Variants in MYOM3 observed in about 807,000 individuals in gnomAD.
MYOM3 encodes the protein myomesin 3, also known as myomesin-3.
In MYOM3, 155 loss-of-function variants were observed where a neutral mutation model predicts 191.7. That is an observed-to-expected ratio of 0.81 (90% CI 0.71 to 0.92). The LOEUF is 0.92. MYOM3 is among the 40% of genes least tolerant of loss of function. The pLI is 0.00. For synonymous variants in MYOM3, 757 were observed against 762.9 expected, an observed-to-expected ratio of 0.99 and a Z score of 0.13; for missense variants, 1,889 against 1,890.6, an observed-to-expected ratio of 1.00 and a Z score of 0.02.
At chr1:24,076,909 C>T (rs1313094476) in intron 20 of MYOM3, among the ~76,000 whole-genome samples, 1 of 152,094 alleles carries the variant, frequency 6.6e-6, no homozygotes, top group Non-Finnish European at 1.5e-5. Context: ...GCAACCTCTG[C>T]TTCTCCGGTT....
At chr1:24,075,194 T>C (rs2148547835) in intron 22 of MYOM3, 125 bp downstream of exon 22, 1 of 908,546 alleles carries the variant, frequency 1.1e-6, no homozygotes, top group Non-Finnish European at 1.7e-6. Context: ...AGTGAAAGAC[T>C]GAGCAGCGCC....
intron 28 of MYOM3, chr1:24,066,625 G>A (rs1455878517): frequency 8.5e-6 from 3 of 354,064 alleles, no homozygotes; most frequent in Non-Finnish European, 1.5e-5. Context: ...ATGAAGTGAG[G>A]ATAGTAATGC....
At chr1:24,082,437 C>G (rs1643683671) in intron 17 of MYOM3, 156 bp downstream of exon 17, 2 of 1,147,774 alleles carry the variant, frequency 1.7e-6, no homozygotes, top group Non-Finnish European at 1.2e-6. Context: ...TACTTCCTTC[C>G]CAAAGGAAAG....
intron 28 of MYOM3, 134 bp from the exon 29 acceptor site, chr1:24,066,135 T>C: frequency 2.7e-6 from 2 of 738,116 alleles, no homozygotes; most frequent in Non-Finnish European, 5.1e-6. Context: ...GCCTCTGGAC[T>C]CTGAATTCTT....
In MYOM3 at chr1:24,063,715, G is replaced by T. The variant is rs949792056; in HGVS notation, c.3623-185C>A. ...GGTTCAGGGCACTCAGCAATGGGGT[G>T]GGCAGAAGGGCACTATGGATGGAGG... is the stretch of plus-strand genomic sequence containing the variant. On this transcript the variant is annotated intron_variant, in intron 30 of 36. Transcript: ENST00000374434. This position sits in a 1 kb window ranked among gnomAD's most constrained non-coding sequence, Gnocchi z 4.5. 2.6e-5 allele frequency among the ~76,000 whole-genome samples: 4 copies of T among 152,022 alleles called. No individual in the cohort carries two copies. The highest frequency in any genetic ancestry group is 4.8e-5 in the African/African-American group (2 of 41,350).
chr1:24,068,745 G>A (rs1000485345), intron 25 of MYOM3, among the ~76,000 whole-genome samples: 1 of 150,888 alleles, frequency 6.6e-6, no homozygotes, highest in Non-Finnish European at 1.5e-5. Context: ...TCACTCCATC[G>A]CAGAGTCTCG....
chr1:24,097,899 C>G (rs753615609), intron 7 of MYOM3, 24 bp downstream of exon 7: 1 of 1,526,400 alleles, frequency 6.6e-7, no homozygotes, highest in African/African-American at 1.4e-5. Context: ...GCCCGGAGTG[C>G]CTGTTGGGGT....
chr1:24,057,115 T>C lies in MYOM3; in HGVS notation c.*249A>G. ...TGCCAGTACTGTTAGATAGCCCCAGTGCATCCGGGTCTCCTACTCCAGGTC... is the reference window on the plus strand; with the variant it reads ...TGCCAGTACTGTTAGATAGCCCCAGCGCATCCGGGTCTCCTACTCCAGGTC... On this transcript the variant is annotated 3_prime_UTR_variant, in exon 37 of 37. Coordinates refer to ENST00000374434, the MANE Select transcript of MYOM3 (RefSeq NM_152372.4). The C allele has an allele frequency of 1.8e-6, 1 of 543,130 alleles. No homozygotes were observed. Among genetic ancestry groups the C allele is most frequent in the South Asian group, 2.4e-5 (1 of 40,826 alleles). 33.6% of individuals were successfully genotyped at this position (543,130 alleles called of 1,614,324 possible).
intron 16 of MYOM3, chr1:24,082,962 T>C (rs1048417373): frequency 8.2e-6 from 3 of 367,892 alleles, no homozygotes; most frequent in Non-Finnish European, 9.5e-6. Flanking sequence ...GCAAATACGC[T>C]AGGAAAGGTT....
chr1:24,066,379 A>G, intron 28 of MYOM3: 1 of 624,968 alleles, frequency 1.6e-6, no homozygotes, highest in East Asian at 2.7e-5. Context: ...CACAGAGACC[A>G]CTTCATCATC....
At chr1:24,058,622 C>G (rs1264602727) in intron 36 of MYOM3, among the ~76,000 whole-genome samples, 4 of 152,202 alleles carry the variant, frequency 2.6e-5, no homozygotes, top group African/African-American at 7.2e-5. Context: ...TAAGTTCAGT[C>G]CTAGACGGGC....
chr1:24,082,840 C>A (rs1168062237), intron 16 of MYOM3, 126 bp from the exon 17 acceptor site: 1 of 1,236,310 alleles, frequency 8.1e-7, no homozygotes, highest in African/African-American at 1.6e-5. Flanking sequence ...CAGGTCAATT[C>A]TTCCTAAAAA....
At chr1:24,081,848 A>C (rs1643673272) in intron 18 of MYOM3, 153 bp downstream of exon 18, 1 of 749,960 alleles carries the variant, frequency 1.3e-6, no homozygotes, top group African/African-American at 1.8e-5. Flanking sequence ...AGTTCTGTTC[A>C]AGGTGGGTCT....
chr1:24,078,498 T>C (rs12719820), intron 20 of MYOM3, among the ~76,000 whole-genome samples: 61,579 of 151,994 alleles, frequency 0.41, 12,787 homozygotes, highest in East Asian at 0.43. Flanking sequence ...TAGTATCTTA[T>C]TCTTTGCCAT....
At chr1:24,090,185 C>G (rs1643799241) in intron 12 of MYOM3, 67 bp from the exon 13 acceptor site, 1 of 1,311,086 alleles carries the variant, frequency 7.6e-7, no homozygotes, top group East Asian at 2.3e-5. Context: ...GGAGCTACCC[C>G]ACACCAGGGT....
chr1:24,091,224 G>A (rs555502265), intron 11 of MYOM3, among the ~76,000 whole-genome samples: 56 of 152,278 alleles, frequency 3.7e-4, no homozygotes, highest in East Asian at 7.7e-4. Flanking sequence ...GGGCATCATC[G>A]TGAGCCTGTG....
Position 24,082,598 on chromosome 1 carries a change from G to A in MYOM3, c.2087C>T (p.Ala696Val). The A allele has an allele frequency of 7.5e-6, 12 of 1,603,888 alleles. No individual in the cohort carries two copies. The highest frequency in any genetic ancestry group is 1.0e-5 in the Non-Finnish European group (12 of 1,176,118). Residue 696 changes from alanine to valine, a missense_variant, in exon 17 of 37, where the codon GCT becomes GTT. Transcript: ENST00000374434. ...GGACCTGCCCTTGGACTCACCCAGA[G>A]CCTGCTTGACCCTGATGGGCTCGGT... is the stretch of plus-strand genomic sequence containing the variant. ...AATEPIRVKQALATPSAPYGF... is the reference protein window; with the variant it reads ...AATEPIRVKQVLATPSAPYGF...
At chr1:24,091,637 C>A (rs1036046517) in intron 11 of MYOM3, among the ~76,000 whole-genome samples, 2 of 152,182 alleles carry the variant, frequency 1.3e-5, no homozygotes, top group Admixed American at 6.5e-5. Context: ...ATTAGATAGT[C>A]CCCCTCCCCT....
intron 5 of MYOM3, among the ~76,000 whole-genome samples, chr1:24,100,426 C>T (rs1431306913): frequency 6.6e-6 from 1 of 152,190 alleles, no homozygotes; most frequent in African/African-American, 2.4e-5. Context: ...CCTCCCCCTA[C>T]CAAGCCATCC....
Sources: allele counts gnomAD v4.1 joint callset (sites outside exome capture counted in the v4.1 genomes callset), GRCh38; gene constraint gnomAD v4.1.1; non-coding constraint Gnocchi (gnomAD v3.1); transcripts MANE v1.5; gene names NCBI Gene and HGNC (gene_info 2026-07-23, HGNC 2026-07-21).